ASB2: variants seen among roughly 807,000 people sequenced by gnomAD.
The protein encoded by ASB2 is ankyrin repeat and SOCS box protein 2.
ASB2 carries 58 observed loss-of-function variants against 62.4 expected under a neutral mutation model. The observed-to-expected ratio is 0.93, with a 90% CI of 0.75 to 1.16. ASB2 has a LOEUF of 1.16. ASB2 is among the 50% of genes most tolerant of loss of function. The pLI is 0.00. For missense variants in ASB2, 928 were observed against 887.9 expected (o/e 1.05, Z -0.57); for synonymous variants, 386 against 385.3 (o/e 1.00, Z -0.02).
At position 93,957,943 on chromosome 14, in the gene ASB2, A is replaced by C. The variant is rs3827901; in HGVS notation, c.207-1073T>G. On this transcript the variant is annotated intron_variant, in intron 2 of 9. Transcript: ENST00000555019. ...ATTGGGGAGGACTCTGCTACCAGTG[A>C]CTCACACCCTGTGGGGCATGGGGTA... 0.061 allele frequency among the ~76,000 whole-genome samples: 9,315 copies of C among 151,920 alleles called. 1,278 individuals are homozygous for C. In the East Asian group the frequency reaches 0.63, roughly 10 times the overall value.
At chr14:93,960,019 G>GC (rs1272094994) in intron 2 of ASB2, among the ~76,000 whole-genome samples, 1 of 150,842 alleles carries the variant, frequency 6.6e-6, no homozygotes, top group African/African-American at 2.5e-5. Context: ...TCCACCCCAC[G>GC]CCCACCACTG....
chr14:93,939,321 G>A lies in ASB2; in HGVS notation c.1404C>T (p.Asp468=). The A allele has an allele frequency of 6.2e-7, 1 of 1,610,706 alleles. No homozygotes were observed. Among genetic ancestry groups the A allele is most frequent in the Non-Finnish European group, 8.5e-7 (1 of 1,177,986 alleles). The part of the protein sequence containing the change: ...QLLLDHGANI[D]AYIATHPTAF... Reference sequence around the variant, plus strand: ...CGGTGGGGTGCGTGGCGATATAGGCGTCGATGTTCGCGCCGTGGTCCAGCA... The same window carrying A: ...CGGTGGGGTGCGTGGCGATATAGGCATCGATGTTCGCGCCGTGGTCCAGCA... Residue 468 remains aspartate (D), a synonymous_variant, in exon 8 of 10, where the codon GAC becomes GAT. Coordinates refer to ENST00000555019, the MANE Select transcript of ASB2 (RefSeq NM_001202429.2).
chr14:93,950,655 A>AT (rs1462908479), intron 6 of ASB2, among the ~76,000 whole-genome samples: 1 of 152,228 alleles, frequency 6.6e-6, no homozygotes, highest in Non-Finnish European at 1.5e-5. Flanking sequence ...TTAATTTGCT[A>AT]TAGGACTATA....
At chr14:93,943,470 C>T (rs1010155353) in intron 7 of ASB2, among the ~76,000 whole-genome samples, 5 of 152,110 alleles carry the variant, frequency 3.3e-5, no homozygotes, top group African/African-American at 9.7e-5. Context: ...CATGATGAAA[C>T]CCGGTCTCTA....
rs1308243865 is a variant in ASB2, at chr14:93,939,228, GC to G, written c.1496del (p.Gly499AlafsTer51). The G allele has an allele frequency of 6.2e-7, 1 of 1,609,388 alleles. No homozygotes were observed. The highest frequency in any genetic ancestry group is 8.5e-7 in the Non-Finnish European group (1 of 1,176,982). Reference protein sequence around the residue: ...LSLLKFLMDLGCDGEPCFSCL... With the variant: ...LSLLKFLMDLXCDGEPCFSCL... ...ATGAGAAGCAGGGCTCGCCGTCGCA[GC>G]CCAGGTCCATGAGGAACTTGAGCAG... On this transcript the variant is annotated frameshift_variant, in exon 8 of 10. Transcript: ENST00000555019. LOFTEE classifies it high-confidence loss of function.
At chr14:93,937,337 C>A (rs1355041146) in intron 9 of ASB2, among the ~76,000 whole-genome samples, 3 of 152,194 alleles carry the variant, frequency 2.0e-5, no homozygotes, top group Non-Finnish European at 4.4e-5. Context: ...CCACCATCCT[C>A]CCCTCTCCCC....
At chr14:93,953,781 G>A (rs1889067569) in intron 4 of ASB2, among the ~76,000 whole-genome samples, 1 of 150,092 alleles carries the variant, frequency 6.7e-6, no homozygotes, top group South Asian at 2.1e-4. Flanking sequence ...ACTCACACCA[G>A]CCATTGCTGG....
rs190164761 is a variant in ASB2, at chr14:93,940,687, C to T, written c.1053-1015G>A. On this transcript the variant is annotated intron_variant, in intron 7 of 9. Transcript: ENST00000555019. ...GTGTGGAGAACTTGGTCAGCCACTG[C>T]GGAAGCCTGAGCTCCCTGCAACCAC... 1.9e-3 allele frequency among the ~76,000 whole-genome samples: 295 copies of T among 152,292 alleles called. 1 individual carries two copies. The highest frequency in any genetic ancestry group is 6.4e-3 in the African/African-American group (267 of 41,562).
chr14:93,941,669 C>T (rs964505930), intron 7 of ASB2: 5 of 455,980 alleles, frequency 1.1e-5, no homozygotes, highest in African/African-American at 4.0e-5. Flanking sequence ...ACAGCTGTAA[C>T]GTGCCCAAGA....
chr14:93,934,611 G>A lies in ASB2; in HGVS notation c.*45C>T. The A allele has an allele frequency of 6.2e-7, 1 of 1,604,972 alleles. No homozygotes were observed. Among genetic ancestry groups the A allele is most frequent in the Non-Finnish European group, 8.5e-7 (1 of 1,173,196 alleles). On this transcript the variant is annotated 3_prime_UTR_variant, in exon 10 of 10. Transcript: ENST00000555019. ...GGGAACACCGACGTCCTGAGACTTA[G>A]TAAGAAGAGTCTGAGGGGCTACTCC...
intron 1 of ASB2, among the ~76,000 whole-genome samples, chr14:93,965,986 A>T (rs1889580061): frequency 6.6e-6 from 1 of 152,236 alleles, no homozygotes; most frequent in African/African-American, 2.4e-5. Context: ...TCCTTCTTCA[A>T]GGCCCAGGGC....
At position 93,939,650 on chromosome 14, in the gene ASB2, C is replaced by A. The variant is rs1244795629; in HGVS notation, c.1075G>T (p.Val359Leu). The change falls in exon 8 of 10, where the codon GTG (valine) becomes TTG (leucine). Residue 359 changes from valine to leucine, a missense_variant. Physicochemically the swap from Val to Leu is conservative, Grantham distance 32. Coordinates refer to ENST00000555019, the MANE Select transcript of ASB2 (RefSeq NM_001202429.2). ...CGGCGTATGCGCGTGCGGCTGGTCACCGGCAGCAGCATCTGCACGATCCTG... is the reference window on the plus strand; with the variant it reads ...CGGCGTATGCGCGTGCGGCTGGTCAACGGCAGCAGCATCTGCACGATCCTG... Reference protein sequence around the residue: ...NYRIVQMLLPVTSRTRIRRSG... With the variant: ...NYRIVQMLLPLTSRTRIRRSG... The A allele has an allele frequency of 8.6e-6, 13 of 1,509,050 alleles. No individual in the cohort carries two copies. In the East Asian group the frequency reaches 3.0e-4, roughly 35 times the overall value. 93.5% of individuals were successfully genotyped at this position (1,509,050 alleles called of 1,614,324 possible).
chr14:93,951,253 AGGGGG>A lies in ASB2; in HGVS notation c.635-14_635-10del. ...GTTCTTGCGCTCGCAGGCTGTGCTC[AGGGGG>A]AAGCAGGGATGGTCAGCAGGGCCTG... On this transcript the variant is annotated splice_polypyrimidine_tract_variant and intron_variant, in intron 5 of 9. Coordinates refer to ENST00000555019, the MANE Select transcript of ASB2 (RefSeq NM_001202429.2). The A allele has an allele frequency of 2.5e-6, 4 of 1,583,198 alleles. No homozygotes were observed. Among genetic ancestry groups the A allele is most frequent in the Non-Finnish European group, 3.4e-6 (4 of 1,165,708 alleles).
In ASB2 at chr14:93,955,102, C is replaced by T. The variant is rs1027177350; in HGVS notation, c.312-619G>A. 2.8e-5 allele frequency: 13 copies of T among 456,676 alleles called. No homozygotes were observed. The East Asian group carries it at 6.2e-4, about 22-fold the overall frequency. 28.3% of individuals were successfully genotyped at this position (456,676 alleles called of 1,614,324 possible). ...CCTTCCTTCATTCATTCACTGAGCT[C>T]CCTACCTCATCCTTGGAGAGTCCGT... On this transcript the variant is annotated intron_variant, in intron 3 of 9. Transcript: ENST00000555019.
intron 3 of ASB2, chr14:93,955,016 T>C (rs1265882800): frequency 6.6e-6 from 3 of 456,680 alleles, no homozygotes; most frequent in Non-Finnish European, 1.3e-5. Context: ...ATTTGAGGGC[T>C]AAAGTGAAGC....
chr14:93,953,618 A>G, intron 4 of ASB2, 111 bp from the exon 5 acceptor site: 1 of 971,926 alleles, frequency 1.0e-6, no homozygotes, highest in South Asian at 1.9e-5. Context: ...ACATCCTCTG[A>G]AATTTACCAA....
intron 1 of ASB2, among the ~76,000 whole-genome samples, chr14:93,971,340 T>G (rs1427693125): frequency 6.6e-6 from 1 of 152,178 alleles, no homozygotes; most frequent in African/African-American, 2.4e-5. Flanking sequence ...CACACTCCTT[T>G]CAAATTCCCC....
At chr14:93,975,130 G>A (rs1343443168) in intron 1 of ASB2, among the ~76,000 whole-genome samples, 1 of 152,248 alleles carries the variant, frequency 6.6e-6, no homozygotes, top group Non-Finnish European at 1.5e-5. Flanking sequence ...CAGAGGTCAG[G>A]GCTGTGGCGG....
Position 93,942,665 on chromosome 14 carries a change from C to T in ASB2, c.1053-2993G>A, listed in dbSNP as rs183018400. On this transcript the variant is annotated intron_variant, in intron 7 of 9. Transcript: ENST00000555019. ...AGGGGAATGGGCAGAGAGCTTTGAG[C>T]CAACGCAAGCTGTCCTTAGCTAGAG... is the stretch of plus-strand genomic sequence containing the variant. Among the ~76,000 whole-genome samples the T allele has an allele frequency of 1.3e-3, 192 of 152,314 alleles. 2 individuals carry two copies. The highest frequency in any genetic ancestry group is 3.9e-4 in the East Asian group (2 of 5,190).
Sources: allele counts gnomAD v4.1 joint callset (sites outside exome capture counted in the v4.1 genomes callset), GRCh38; gene constraint gnomAD v4.1.1; transcripts MANE v1.5; gene names NCBI Gene and HGNC (gene_info 2026-07-23, HGNC 2026-07-21).